The following CIITA variants were observed in gnomAD, a reference collection of about 807,000 sequenced individuals.
CIITA encodes the protein class II major histocompatibility complex transactivator.
A neutral mutation model predicts 115.1 loss-of-function variants in CIITA; 72 were observed. The observed-to-expected ratio is 0.63, with a 90% CI of 0.52 to 0.76. The LOEUF is 0.76. CIITA is among the 30% of genes least tolerant of loss of function. The probability of loss-of-function intolerance (pLI) is 0.00; values close to 1 mark genes in which losing one functional copy is unlikely to be tolerated. For synonymous variants in CIITA, 763 were observed against 635.6 expected (o/e 1.20, Z -3.02); for missense variants, 1,617 against 1,463.8 (o/e 1.10, Z -1.71).
At chr16:10,910,933 T>C (rs765711014) in intron 13 of CIITA, among the ~76,000 whole-genome samples, 2 of 152,162 alleles carry the variant, frequency 1.3e-5, no homozygotes, top group Non-Finnish European at 2.9e-5. Flanking sequence ...CCTGGGACTA[T>C]CCTGGTTTGA....
chr16:10,906,703 C>T lies in CIITA; in HGVS notation c.1211C>T (p.Ala404Val), dbSNP rs1392912244. 2 of 1,612,232 alleles carry T rather than the reference C, an allele frequency of 1.2e-6. No homozygotes were observed. The highest frequency in any genetic ancestry group is 1.3e-5 in the African/African-American group (1 of 74,926). Residue 404 changes from alanine (A) to valine (V), a missense_variant, in exon 11 of 20, where the codon GCC (alanine) becomes GTC (valine). Physicochemically the swap from Ala to Val is moderately conservative, Grantham distance 64. Transcript: ENST00000324288. Reference sequence around the variant, plus strand: ...GGCCTGGCTGAGGTGCTGTTGGCTGCCAAGGAGCACCGGCGGCCGCGTGAG... The same window carrying T: ...GGCCTGGCTGAGGTGCTGTTGGCTGTCAAGGAGCACCGGCGGCCGCGTGAG... Reference protein sequence around the residue: ...QGGLAEVLLAAKEHRRPRETR... With the variant: ...QGGLAEVLLAVKEHRRPRETR...
chr16:10,896,606 G>A (rs2038152268), intron 3 of CIITA, among the ~76,000 whole-genome samples: 1 of 152,292 alleles, frequency 6.6e-6, no homozygotes, highest in African/African-American at 2.4e-5. Flanking sequence ...AGAAAAAAGT[G>A]GCCTTTTTCT....
rs1596553228 is a variant in CIITA, at chr16:10,907,372, T to C, written c.1880T>C (p.Leu627Pro). ...CAGCTCTCAGAGGCCCTGCTGGAGCTTGGGGAGGACGCCAAGCTGCCCTCC... is the reference window on the plus strand; with the variant it reads ...CAGCTCTCAGAGGCCCTGCTGGAGCCTGGGGAGGACGCCAAGCTGCCCTCC... Reference protein sequence around the residue: ...VCQLSEALLELGEDAKLPSTL... With the variant: ...VCQLSEALLEPGEDAKLPSTL... Residue 627 changes from leucine (L) to proline (P), a missense_variant, in exon 11 of 20, where the codon CTT becomes CCT. Coordinates refer to ENST00000324288, the MANE Select transcript of CIITA (RefSeq NM_000246.4). The surrounding 1 kb of genome is among the most constrained non-coding windows in gnomAD (Gnocchi z 5.0). The C allele has an allele frequency of 1.2e-6, 2 of 1,613,386 alleles. No individual in the cohort carries two copies. Among genetic ancestry groups the C allele is most frequent in the Admixed American group, 1.7e-5 (1 of 60,018 alleles).
At chr16:10,870,923 G>A (rs914195168) in intron 1 of CIITA, among the ~76,000 whole-genome samples, 1 of 152,158 alleles carries the variant, frequency 6.6e-6, no homozygotes. Flanking sequence ...CTGCAGTCTG[G>A]GGGCCCCAGA....
In CIITA at chr16:10,907,166, C is replaced by T; in HGVS notation, c.1674C>T (p.Ser558=). ...GGGGCCGCCTGGTCCAGAGCCTGAG[C>T]AAGGCCGACGCCCTATTTGAGCTGT... ...RPRGRLVQSL[S]KADALFELSG... is the part of the protein sequence containing the mutation. The change falls in exon 11 of 20, where the codon AGC becomes AGT. Residue 558 remains serine (S), a synonymous_variant. Transcript: ENST00000324288. This position sits in a 1 kb window ranked among gnomAD's most constrained non-coding sequence, Gnocchi z 5.0. 2.5e-6 allele frequency: 4 copies of T among 1,613,192 alleles called. No individual in the cohort carries two copies. The highest frequency in any genetic ancestry group is 2.7e-5 in the African/African-American group (2 of 74,928).
chr16:10,921,851 C>T (rs1020449924), intron 16 of CIITA, among the ~76,000 whole-genome samples: 3 of 152,220 alleles, frequency 2.0e-5, no homozygotes, highest in Non-Finnish European at 4.4e-5. Flanking sequence ...GACCTCCAGG[C>T]TGCAGGGGAC....
In CIITA at chr16:10,906,838, T is replaced by G; in HGVS notation, c.1346T>G (p.Phe449Cys). 6.2e-7 allele frequency: 1 copy of G among 1,613,250 alleles called. No individual in the cohort carries two copies. Among genetic ancestry groups the G allele is most frequent in the Non-Finnish European group, 8.5e-7 (1 of 1,180,028 alleles). The change falls in exon 11 of 20, where the codon TTC (phenylalanine) becomes TGC (cysteine). Residue 449 changes from phenylalanine to cysteine, a missense_variant. Phe to Cys is a radical substitution (Grantham distance 205). Coordinates refer to ENST00000324288, the MANE Select transcript of CIITA (RefSeq NM_000246.4). ...CGGCTTCCCCAGTACGACTTTGTCT[T>G]CTCTGTCCCCTGCCATTGCTTGAAC... ...CGRLPQYDFV[F>C]SVPCHCLNRP... is the part of the protein sequence containing the mutation.
chr16:10,941,221 T>A (rs1803802752), downstream of CIITA: 1 of 155,782 alleles, frequency 6.4e-6, no homozygotes, highest in African/African-American at 2.4e-5. The surrounding 1 kb of genome is among the most constrained non-coding windows in gnomAD (Gnocchi z 6.4). Flanking sequence ...AAGGTCATCA[T>A]CAAGCCAGGA....
chr16:10,916,738 A>T (rs962197216), intron 15 of CIITA: 1 of 493,398 alleles, frequency 2.0e-6, no homozygotes, highest in Non-Finnish European at 3.7e-6. Flanking sequence ...TCAGCCATTC[A>T]TCCTTCCATT....
chr16:10,883,552 C>G (rs942533665), intron 1 of CIITA, among the ~76,000 whole-genome samples: 1 of 152,132 alleles, frequency 6.6e-6, no homozygotes, highest in African/African-American at 2.4e-5. Flanking sequence ...GGTCAGTGTC[C>G]TCAATCGGGA....
At chr16:10,911,307 C>T (rs1488609681) in intron 13 of CIITA, among the ~76,000 whole-genome samples, 1 of 133,512 alleles carries the variant, frequency 7.5e-6, no homozygotes, top group African/African-American at 2.8e-5. Flanking sequence ...TCCCTCCCTC[C>T]CTCCTTCCTT....
chr16:10,916,325 C>T (rs2144992025), intron 14 of CIITA, 42 bp from the exon 15 acceptor site: 1 of 1,593,404 alleles, frequency 6.3e-7, no homozygotes, highest in Non-Finnish European at 8.6e-7. Context: ...TCAGATGGCC[C>T]CAGGACGCTA....
chr16:10,867,490 G>A (rs1203542322), intron 1 of CIITA, among the ~76,000 whole-genome samples: 1 of 151,950 alleles, frequency 6.6e-6, no homozygotes, highest in Non-Finnish European at 1.5e-5. Context: ...GGGAGAAAAG[G>A]GAGGGAGAGG....
At chr16:10,918,270 C>A (rs367827882) in intron 15 of CIITA, among the ~76,000 whole-genome samples, 170 bp from the exon 16 acceptor site, 4 of 152,240 alleles carry the variant, frequency 2.6e-5, no homozygotes, top group African/African-American at 9.6e-5. Flanking sequence ...CCTCCTCATC[C>A]CTGCCCTCCC....
At chr16:10,908,194 T>G in intron 11 of CIITA, 45 bp downstream of exon 11, 2 of 1,548,522 alleles carry the variant, frequency 1.3e-6, no homozygotes, top group Non-Finnish European at 1.7e-6. Flanking sequence ...TGTTGGGCAT[T>G]AACTGCGGTC....
rs1332808657 is a variant in CIITA at position 10,934,779 on chromosome 16, G to A, written c.*10924G>A. Reference sequence around the variant, plus strand: ...CTCCCAGAAATGAAGCCTTACCCTTGAGGGAGTTCCCCGCCACTCCAAGCT... The same window carrying A: ...CTCCCAGAAATGAAGCCTTACCCTTAAGGGAGTTCCCCGCCACTCCAAGCT... On this transcript the variant is annotated 3_prime_UTR_variant, in exon 20 of 20. Transcript: ENST00000324288. The surrounding 1 kb of genome is among the most constrained non-coding windows in gnomAD (Gnocchi z 4.2). The A allele has an allele frequency of 6.6e-6, 1 of 152,164 alleles. No individual in the cohort carries two copies. Among genetic ancestry groups the A allele is most frequent in the Non-Finnish European group, 1.5e-5 (1 of 68,010 alleles). 9.4% of individuals were successfully genotyped at this position (152,164 alleles called of 1,614,324 possible).
At chr16:10,902,392 C>G (rs549159317) in intron 7 of CIITA, among the ~76,000 whole-genome samples, 5 of 152,160 alleles carry the variant, frequency 3.3e-5, no homozygotes, top group African/African-American at 1.2e-4. Context: ...GAAACACATC[C>G]GTGCGAGCAT....
rs556331210 is a variant in CIITA, at chr16:10,928,432, G to A, written c.*4577G>A. ...GCCTCCCGAGTAGCTGGGACTATAAGTGTGCGCCACTATGCCTGGCTAATT... is the reference window on the plus strand; with the variant it reads ...GCCTCCCGAGTAGCTGGGACTATAAATGTGCGCCACTATGCCTGGCTAATT... On this transcript the variant is annotated 3_prime_UTR_variant, in exon 20 of 20. Transcript: ENST00000324288. 2 of 152,402 alleles carry A rather than the reference G, an allele frequency of 1.3e-5. No homozygotes were observed. The highest frequency in any genetic ancestry group is 1.9e-4 in the East Asian group (1 of 5,172). The allele number at this position is 152,402 out of a possible 1,614,324, so 9.4% of individuals were successfully genotyped here. A position where few individuals can be genotyped will look rare whatever the true frequency, so the allele number is the denominator to read the frequency against.
rs139896515 is a variant in CIITA at position 10,920,707 on chromosome 16, C to G, written c.3150-1460C>G. 1.3e-5 allele frequency among the ~76,000 whole-genome samples: 2 copies of G among 152,048 alleles called. No individual in the cohort carries two copies. The highest frequency in any genetic ancestry group is 4.8e-5 in the African/African-American group (2 of 41,388). ...AATGGTGACATATATGTCTTGGCAT[C>G]GATGAAATATGGTCAGATTACTCTC... On this transcript the variant is annotated intron_variant, in intron 16 of 19. Coordinates refer to ENST00000324288, the MANE Select transcript of CIITA (RefSeq NM_000246.4). The surrounding 1 kb of genome is among the most constrained non-coding windows in gnomAD (Gnocchi z 4.5).
Sources: allele counts gnomAD v4.1 joint callset (sites outside exome capture counted in the v4.1 genomes callset), GRCh38; gene constraint gnomAD v4.1.1; non-coding constraint Gnocchi (gnomAD v3.1); transcripts MANE v1.5; gene names NCBI Gene and HGNC (gene_info 2026-07-23, HGNC 2026-07-21).